The following OPCML variants were observed in gnomAD, a reference collection of about 807,000 sequenced individuals.
OPCML encodes opioid-binding protein/cell adhesion molecule.
In OPCML, 13 loss-of-function variants were observed where a neutral mutation model predicts 37.8. The ratio of observed to expected loss-of-function variants is 0.34; its 90% CI spans 0.22 to 0.55. The LOEUF (loss-of-function observed/expected upper bound fraction) is 0.55, where lower values mean the gene tolerates loss of function less well. OPCML is among the 20% of genes least tolerant of loss of function. The pLI is 0.91. For missense variants in OPCML, 341 were observed against 435.6 expected (o/e 0.78, Z 1.93); for synonymous variants, 176 against 168.8 (o/e 1.04, Z -0.33).
At chr11:133,175,417 T>C (rs1950352700) in intron 1 of OPCML, among the ~76,000 whole-genome samples, 1 of 152,072 alleles carries the variant, frequency 6.6e-6, no homozygotes, top group African/African-American at 2.4e-5. Context: ...TTTATTCGTG[T>C]TATTAAAGAT....
At chr11:132,575,719 A>G (rs191497764) in intron 3 of OPCML, among the ~76,000 whole-genome samples, 1 of 152,062 alleles carries the variant, frequency 6.6e-6, no homozygotes, top group East Asian at 1.9e-4. Flanking sequence ...ACCTTTACCA[A>G]TGAGCTTCAT....
intron 1 of OPCML, among the ~76,000 whole-genome samples, chr11:132,972,347 G>T (rs1463619982): frequency 2.0e-5 from 3 of 151,738 alleles, no homozygotes; most frequent in African/African-American, 7.3e-5. Context: ...ACAAGTTGCG[G>T]TGTATTCTGG....
chr11:133,176,833 C>T (rs1937608139), intron 1 of OPCML, among the ~76,000 whole-genome samples: 1 of 152,216 alleles, frequency 6.6e-6, no homozygotes, highest in Non-Finnish European at 1.5e-5. Flanking sequence ...TCATAATTGA[C>T]CACACAATCT....
intron 1 of OPCML, among the ~76,000 whole-genome samples, chr11:133,035,661 G>T (rs1351085672): frequency 6.6e-6 from 1 of 152,134 alleles, no homozygotes; most frequent in African/African-American, 2.4e-5. Flanking sequence ...ACATGTCAAA[G>T]TCCTAACTCT....
chr11:133,109,468 TTGGTGCATTTTACAGAGCACTGAC>T (rs1949218005), intron 1 of OPCML, among the ~76,000 whole-genome samples: 1 of 152,172 alleles, frequency 6.6e-6, no homozygotes, highest in South Asian at 2.1e-4. Context: ...ATCCTGATGA[TTGGTGCATTTTACAGAGCACTGAC>T]TGGTGCGTTT....
chr11:133,185,607 G>A (rs1938035255), intron 1 of OPCML, among the ~76,000 whole-genome samples: 1 of 152,164 alleles, frequency 6.6e-6, no homozygotes, highest in South Asian at 2.1e-4. Flanking sequence ...AGTGAGAAAG[G>A]GAGAGGCAGA....
intron 1 of OPCML, chr11:133,008,319 CT>C: frequency 1.0e-6 from 1 of 985,378 alleles, no homozygotes; most frequent in African/African-American, 1.7e-5. Context: ...TGGTAAACAA[CT>C]AAAATGAAAA....
intron 2 of OPCML, among the ~76,000 whole-genome samples, chr11:132,768,407 A>G (rs1435383314): frequency 6.6e-6 from 1 of 152,204 alleles, no homozygotes; most frequent in Non-Finnish European, 1.5e-5. Context: ...CTGCCTCCAG[A>G]CCACTGAACT....
intron 1 of OPCML, among the ~76,000 whole-genome samples, chr11:133,396,335 A>C (rs1409709842): frequency 1.3e-5 from 2 of 152,134 alleles, no homozygotes; most frequent in Non-Finnish European, 2.9e-5. Flanking sequence ...ATAAGACAAG[A>C]TCAATTTGAC....
intron 1 of OPCML, among the ~76,000 whole-genome samples, chr11:133,047,343 A>G (rs1373883870): frequency 6.6e-6 from 1 of 152,208 alleles, no homozygotes; most frequent in Non-Finnish European, 1.5e-5. Flanking sequence ...TATTCATACT[A>G]TGGCTTCTCA....
chr11:133,157,859 GA>G (rs1417469769), intron 1 of OPCML, among the ~76,000 whole-genome samples: 1 of 152,112 alleles, frequency 6.6e-6, no homozygotes, highest in African/African-American at 2.4e-5. Context: ...GTTGATGCAA[GA>G]AAATGAGCAA....
At chr11:133,391,520 T>TAGCTGCTGAGTCTTAGCTCTC (rs1945173562) in intron 1 of OPCML, among the ~76,000 whole-genome samples, 2 of 152,204 alleles carry the variant, frequency 1.3e-5, no homozygotes, top group Non-Finnish European at 2.9e-5. Context: ...AACCATCCTT[T>TAGCTGCTGAGTCTTAGCTCTC]AGCTGCTGAG....
chr11:133,299,993 C>T (rs1223902415), intron 1 of OPCML: 1 of 152,210 alleles, frequency 6.6e-6, no homozygotes, highest in Non-Finnish European at 1.5e-5. Flanking sequence ...TAATTAAATT[C>T]TGGAGACACA....
intron 2 of OPCML, among the ~76,000 whole-genome samples, chr11:132,770,915 C>T (rs778639469): frequency 6.6e-6 from 1 of 152,138 alleles, no homozygotes; most frequent in Non-Finnish European, 1.5e-5. Flanking sequence ...GGCAGCAGGG[C>T]CTTGATAGAC....
In OPCML at chr11:133,456,780, C is replaced by CAA. The variant is rs34351764; in HGVS notation, c.61+75482_61+75483dup. ...TGCAGCGTGGCTGTCCCAATCAGACCAAAAAAAAAAAAAAATTCACTGAAC... is the reference window on the plus strand; with the variant it reads ...TGCAGCGTGGCTGTCCCAATCAGACCAAAAAAAAAAAAAAAAATTCACTGAAC... On this transcript the variant is annotated intron_variant, in intron 1 of 7. Coordinates refer to ENST00000524381, the MANE Select transcript of OPCML (RefSeq NM_001012393.5). 7.3e-3 allele frequency among the ~76,000 whole-genome samples: 898 copies of CAA among 122,282 alleles called. 14 individuals are homozygous for CAA. The highest frequency in any genetic ancestry group is 0.023 in the African/African-American group (826 of 36,084). The allele number at this position is 122,282 out of a possible 152,430, so 80.2% of individuals were successfully genotyped here.
At chr11:132,990,985 G>C (rs187369462) in intron 1 of OPCML, among the ~76,000 whole-genome samples, 59 of 152,216 alleles carry the variant, frequency 3.9e-4, no homozygotes, top group Admixed American at 3.7e-3. Context: ...AGGCCATATT[G>C]CCCCATAGAG....
At chr11:133,024,933 A>C (rs987794588) in intron 1 of OPCML, 3 of 985,336 alleles carry the variant, frequency 3.0e-6, no homozygotes, top group Non-Finnish European at 3.6e-6. Flanking sequence ...ATATATTTGA[A>C]TTCCTGAACC....
intron 1 of OPCML, among the ~76,000 whole-genome samples, chr11:133,053,871 G>A (rs1948175294): frequency 6.6e-6 from 1 of 152,072 alleles, no homozygotes; most frequent in African/African-American, 2.4e-5. Flanking sequence ...CATCCACATG[G>A]CAACTTCACT....
chr11:133,255,300 C>A (rs929332259), intron 1 of OPCML, among the ~76,000 whole-genome samples: 2 of 152,086 alleles, frequency 1.3e-5, no homozygotes, highest in Admixed American at 1.3e-4. Flanking sequence ...TGATATTTTA[C>A]AGGGAAGGTC....
Sources: gnomAD v4.1 joint callset for allele counts (sites outside exome capture counted in the v4.1 genomes callset) on GRCh38, gnomAD v4.1.1 for gene constraint, MANE v1.5 for transcripts, NCBI Gene and HGNC (gene_info 2026-07-23, HGNC 2026-07-21) for gene names.